Variants in CNBD1 observed in about 807,000 individuals in gnomAD.
The protein encoded by CNBD1 is cyclic nucleotide binding domain containing 1, also known as cyclic nucleotide-binding domain-containing protein 1.
Under a neutral mutation model 54.4 loss-of-function variants are expected in CNBD1, and 71 were observed. The ratio of observed to expected loss-of-function variants is 1.30; its 90% CI spans 1.08 to 1.59. The LOEUF is 1.59. Ranked by LOEUF, CNBD1 falls within the 40% of genes most tolerant of loss-of-function variation. The pLI, the probability that CNBD1 is intolerant of heterozygous loss-of-function variation, is 0.00. For synonymous variants in CNBD1, 182 were observed against 170.7 expected (o/e 1.07, Z -0.51); for missense variants, 659 against 518.0 (o/e 1.27, Z -2.64).
intron 8 of CNBD1, among the ~76,000 whole-genome samples, chr8:87,318,096 T>C (rs984742941): frequency 1.3e-5 from 2 of 152,068 alleles, no homozygotes; most frequent in Non-Finnish European, 2.9e-5. Flanking sequence ...GCTATTTTTT[T>C]CACTAACTTC....
rs577593555 is a variant in CNBD1 at position 87,348,237 on chromosome 8, C to T, written c.1043-3448C>T. Among the ~76,000 whole-genome samples the T allele has an allele frequency of 9.5e-4, 144 of 152,166 alleles. 1 individual carries two copies. The highest frequency in any genetic ancestry group is 1.3e-3 in the Non-Finnish European group (88 of 67,978). ...AGATGCACTTATCTTTAAGAATTTG[C>T]TCTACAGGGCTATAAATGCTATCTA... On this transcript the variant is annotated intron_variant, in intron 8 of 10. Coordinates refer to ENST00000518476, the MANE Select transcript of CNBD1 (RefSeq NM_173538.3).
At chr8:87,274,345 C>T (rs1459255963) in intron 6 of CNBD1, among the ~76,000 whole-genome samples, 23 of 148,952 alleles carry the variant, frequency 1.5e-4, no homozygotes, top group African/African-American at 5.3e-4. Context: ...GGAATCGCCA[C>T]ACTGACTTCC....
intron 4 of CNBD1, among the ~76,000 whole-genome samples, chr8:86,970,849 A>G (rs111391005): frequency 0.013 from 1,907 of 152,046 alleles, 30 homozygotes; most frequent in African/African-American, 0.036. Context: ...TCTTTATCCA[A>G]TCCACCACTG....
intron 5 of CNBD1, among the ~76,000 whole-genome samples, chr8:87,226,455 G>T (rs1814495307): frequency 6.7e-6 from 1 of 148,400 alleles, no homozygotes; most frequent in African/African-American, 2.6e-5. Context: ...TGTTCTCGTT[G>T]GTTTCAAAGA....
intron 2 of CNBD1, among the ~76,000 whole-genome samples, chr8:87,404,763 A>G (rs1043402502): frequency 2.0e-5 from 3 of 152,136 alleles, no homozygotes; most frequent in South Asian, 2.1e-4. Context: ...GCAAATAACT[A>G]TCATTTAATT....
intron 8 of CNBD1, among the ~76,000 whole-genome samples, chr8:87,322,609 G>A (rs1387258504): frequency 1.0e-5 from 1 of 100,204 alleles, no homozygotes; most frequent in Non-Finnish European, 2.2e-5. Context: ...CTTCTTTTGA[G>A]AAGTGTCTGT....
intron 4 of CNBD1, among the ~76,000 whole-genome samples, chr8:87,196,807 C>G (rs1813731696): frequency 6.6e-6 from 1 of 152,148 alleles, no homozygotes. Context: ...TATTTTGTTT[C>G]CCACTGAAAT....
At chr8:87,329,310 T>A (rs900995557) in intron 8 of CNBD1, among the ~76,000 whole-genome samples, 1 of 152,264 alleles carries the variant, frequency 6.6e-6, no homozygotes, top group Admixed American at 6.5e-5. Context: ...TTACTGCAGC[T>A]CTATTGTAAC....
chr8:87,310,708 G>T (rs980220694), intron 8 of CNBD1, among the ~76,000 whole-genome samples: 2 of 152,116 alleles, frequency 1.3e-5, no homozygotes, highest in African/African-American at 2.4e-5. Context: ...AAAGCCAGAG[G>T]CATCACATGA....
In CNBD1 at chr8:86,931,487, T is replaced by TA. The variant is rs370198744; in HGVS notation, c.273-8107dup. 8.4e-4 allele frequency among the ~76,000 whole-genome samples: 127 copies of TA among 151,894 alleles called. 2 individuals are homozygous for TA. The highest frequency in any genetic ancestry group is 3.2e-3 in the Admixed American group (49 of 15,238). The stretch of plus-strand genomic sequence containing the variant: ...TTATTTCTCATTGCACATTTTTTTT[T>TA]AAGTGTCCTTGCAAGCCACACTGAT... On this transcript the variant is annotated intron_variant, in intron 3 of 10. Coordinates refer to ENST00000518476, the MANE Select transcript of CNBD1 (RefSeq NM_173538.3).
rs550145123 is a variant in CNBD1 at position 87,078,003 on chromosome 8, C to T, written c.432-127990C>T. ...ATCCCATTCATAGGGGCTTCAACTT[C>T]ATGACTTAATAACCTCCCAAAGGTC... On this transcript the variant is annotated intron_variant, in intron 4 of 10. Coordinates refer to ENST00000518476, the MANE Select transcript of CNBD1 (RefSeq NM_173538.3). Among the ~76,000 whole-genome samples, 46 of 152,320 alleles carry T rather than the reference C, an allele frequency of 3.0e-4. 1 individual carries two copies. Among genetic ancestry groups the T allele is most frequent in the African/African-American group, 1.1e-3 (46 of 41,574 alleles).
chr8:87,045,077 G>T (rs1181658877), intron 4 of CNBD1, among the ~76,000 whole-genome samples: 1 of 152,180 alleles, frequency 6.6e-6, no homozygotes, highest in Non-Finnish European at 1.5e-5. Flanking sequence ...CTGATGGAGA[G>T]GGGTGTTGTG....
At chr8:87,219,363 G>A (rs903207747) in intron 5 of CNBD1, among the ~76,000 whole-genome samples, 5 of 151,964 alleles carry the variant, frequency 3.3e-5, no homozygotes, top group African/African-American at 9.7e-5. Context: ...TCAGCACATA[G>A]GTCCTCTACA....
At chr8:87,307,943 C>T (rs948301772) in intron 8 of CNBD1, among the ~76,000 whole-genome samples, 2 of 151,992 alleles carry the variant, frequency 1.3e-5, no homozygotes, top group African/African-American at 2.4e-5. Context: ...CCTGTATCCA[C>T]AAGTTAAACT....
At chr8:87,354,947 A>G (rs1263060353) in intron 10 of CNBD1, among the ~76,000 whole-genome samples, 3 of 152,170 alleles carry the variant, frequency 2.0e-5, no homozygotes, top group Non-Finnish European at 4.4e-5. Context: ...GGTCCATCAG[A>G]GAAATGCAAA....
chr8:87,020,105 A>G (rs1809451941), intron 4 of CNBD1, among the ~76,000 whole-genome samples: 1 of 152,130 alleles, frequency 6.6e-6, no homozygotes, highest in Non-Finnish European at 1.5e-5. Context: ...CACTATCTTT[A>G]TCATATTACT....
intron 4 of CNBD1, among the ~76,000 whole-genome samples, chr8:86,951,126 C>T (rs955183340): frequency 7.2e-5 from 11 of 152,122 alleles, no homozygotes; most frequent in African/African-American, 2.4e-4. Context: ...GTTTTCAGCA[C>T]TTAGGATTCT....
intron 6 of CNBD1, among the ~76,000 whole-genome samples, chr8:87,240,844 C>T (rs76771416): frequency 1.3e-5 from 2 of 152,012 alleles, no homozygotes; most frequent in Non-Finnish European, 2.9e-5. Flanking sequence ...TTTTTAATAC[C>T]GTACCCTTGA....
rs553023935 is a variant in CNBD1, at chr8:87,003,117, A to G, written c.431+63363A>G. Among the ~76,000 whole-genome samples, 3 of 152,294 alleles carry G rather than the reference A, an allele frequency of 2.0e-5. No individual in the cohort carries two copies. In the East Asian group the frequency reaches 5.8e-4, roughly 29 times the overall value. On this transcript the variant is annotated intron_variant, in intron 4 of 10. Transcript: ENST00000518476. ...AGATCTGTTGGAATGCTTGAAAATA[A>G]AAGGAATACTTTTACAGCAGAGATC...
Sources: allele counts gnomAD v4.1 joint callset (sites outside exome capture counted in the v4.1 genomes callset), GRCh38; gene constraint gnomAD v4.1.1; transcripts MANE v1.5; gene names NCBI Gene and HGNC (gene_info 2026-07-23, HGNC 2026-07-21).